Variants in SGMS1 observed in about 807,000 individuals in gnomAD.
The protein encoded by SGMS1 is phosphatidylcholine:ceramide cholinephosphotransferase 1.
SGMS1 carries 13 observed loss-of-function variants against 46.2 expected under a neutral mutation model. The ratio of observed to expected loss-of-function variants is 0.28; its 90% CI spans 0.18 to 0.45. The LOEUF is 0.45. Among genes scored for constraint, SGMS1 ranks in the 20% least tolerant of loss-of-function variants. The probability of loss-of-function intolerance (pLI) is 1.00; values close to 1 mark genes in which losing one functional copy is unlikely to be tolerated. For missense variants in SGMS1, 324 were observed against 519.9 expected, an observed-to-expected ratio of 0.62 and a Z score of 3.66; for synonymous variants, 203 against 187.8, an observed-to-expected ratio of 1.08 and a Z score of -0.66.
intron 6 of SGMS1, among the ~76,000 whole-genome samples, chr10:50,413,463 C>A (rs1413897322): frequency 6.6e-6 from 1 of 152,218 alleles, no homozygotes; most frequent in African/African-American, 2.4e-5. Flanking sequence ...CAAAGATTGG[C>A]ATTCAAATGT....
At chr10:50,457,039 T>C (rs1457466442) in intron 5 of SGMS1, among the ~76,000 whole-genome samples, 2 of 152,204 alleles carry the variant, frequency 1.3e-5, no homozygotes, top group South Asian at 2.1e-4. Context: ...GTGGCAATTA[T>C]GTTCTTGTTT....
chr10:50,607,145 ATTT>A (rs1298270590), intron 1 of SGMS1, among the ~76,000 whole-genome samples: 2 of 136,374 alleles, frequency 1.5e-5, no homozygotes, highest in Non-Finnish European at 3.2e-5. Context: ...CACCCAGGTA[ATTT>A]TTTTTTTTTT....
At chr10:50,440,553 TAA>T (rs1849531833) in intron 5 of SGMS1, among the ~76,000 whole-genome samples, 1 of 152,056 alleles carries the variant, frequency 6.6e-6, no homozygotes, top group Non-Finnish European at 1.5e-5. Context: ...TCACTAAAGG[TAA>T]AAAATAGCAC....
intron 2 of SGMS1, among the ~76,000 whole-genome samples, chr10:50,577,618 T>A (rs1419036721): frequency 1.3e-5 from 2 of 152,214 alleles, no homozygotes; most frequent in Non-Finnish European, 1.5e-5. Context: ...TTTGTGGCTT[T>A]AATAACAAGA....
In SGMS1 at chr10:50,556,012, T is replaced by G. The variant is rs557815935; in HGVS notation, c.-589+34141A>C. Among the ~76,000 whole-genome samples the G allele has an allele frequency of 3.9e-5, 6 of 152,272 alleles. No individual in the cohort carries two copies. The South Asian group carries it at 1.2e-3, about 32-fold the overall frequency. On this transcript the variant is annotated intron_variant, in intron 2 of 10. Transcript: ENST00000361781. ...ATTCCAGAATGCTCTCATTTTCCCC[T>G]CTCCTCCATTCCCAAAGGAGATGCA... is the stretch of plus-strand genomic sequence containing the variant.
chr10:50,404,598 T>A (rs1179886037), intron 6 of SGMS1, among the ~76,000 whole-genome samples: 2 of 152,116 alleles, frequency 1.3e-5, no homozygotes, highest in African/African-American at 4.8e-5. Flanking sequence ...CGAGACCCTG[T>A]CTCGAAAAAA....
chr10:50,449,024 T>C (rs918810964), intron 5 of SGMS1, among the ~76,000 whole-genome samples: 5 of 152,244 alleles, frequency 3.3e-5, no homozygotes, highest in South Asian at 2.1e-4. Flanking sequence ...TACATACCTA[T>C]TGAAATTTTT....
At chr10:50,596,874 C>A (rs1233831351) in intron 1 of SGMS1, among the ~76,000 whole-genome samples, 1 of 152,168 alleles carries the variant, frequency 6.6e-6, no homozygotes, top group Non-Finnish European at 1.5e-5. Flanking sequence ...CATACACTGA[C>A]TTGCTTAAAG....
chr10:50,399,729 T>C (rs1047984723), intron 6 of SGMS1, among the ~76,000 whole-genome samples: 36 of 152,056 alleles, frequency 2.4e-4, no homozygotes, highest in African/African-American at 8.5e-4. Flanking sequence ...GAACTTCCCA[T>C]CAGAGTTCAA....
chr10:50,624,551 C>T (rs547179758), upstream of SGMS1: 1 of 978,910 alleles, frequency 1.0e-6, no homozygotes, highest in African/African-American at 1.8e-5. Flanking sequence ...GAGCTCTAAC[C>T]GCGCGAGGTG....
chr10:50,386,103 C>T (rs1254928874), intron 6 of SGMS1, among the ~76,000 whole-genome samples: 1 of 152,048 alleles, frequency 6.6e-6, no homozygotes, highest in African/African-American at 2.4e-5. Flanking sequence ...AATAATCCCG[C>T]CTTTTAAAAT....
chr10:50,510,230 CT>C (rs1288721889), intron 3 of SGMS1, among the ~76,000 whole-genome samples: 4 of 152,126 alleles, frequency 2.6e-5, no homozygotes, highest in Non-Finnish European at 5.9e-5. Flanking sequence ...GTTGTTCTTT[CT>C]TATTGATGAA....
intron 6 of SGMS1, chr10:50,418,465 C>G (rs943933595): frequency 2.1e-4 from 32 of 152,262 alleles, no homozygotes; most frequent in African/African-American, 7.7e-4. Context: ...CCCTCTACCA[C>G]GGCAAAAAAG....
upstream of SGMS1, chr10:50,624,504 G>C (rs1019914751): frequency 4.0e-6 from 3 of 753,832 alleles, no homozygotes; most frequent in African/African-American, 1.9e-5. Flanking sequence ...GAAAAAAAAA[G>C]CCTCTGGCGA....
chr10:50,336,177 G>A (rs569842521), intron 7 of SGMS1: 21 of 152,298 alleles, frequency 1.4e-4, no homozygotes, highest in Non-Finnish European at 2.2e-4. Flanking sequence ...GCCTGCAAGA[G>A]GCTAGGAGAT....
intron 6 of SGMS1, among the ~76,000 whole-genome samples, chr10:50,386,091 G>A (rs774865436): frequency 5.3e-5 from 8 of 152,140 alleles, no homozygotes; most frequent in Non-Finnish European, 1.2e-4. Context: ...GTTATGTTAT[G>A]AAATAATCCC....
At chr10:50,618,584 C>T (rs974059890) in intron 1 of SGMS1, among the ~76,000 whole-genome samples, 5 of 152,122 alleles carry the variant, frequency 3.3e-5, no homozygotes, top group Non-Finnish European at 7.4e-5. Context: ...AATGAGATCC[C>T]ACTTTACAGC....
At chr10:50,518,017 G>T (rs2133784132) in intron 3 of SGMS1, among the ~76,000 whole-genome samples, 1 of 152,278 alleles carries the variant, frequency 6.6e-6, no homozygotes, top group South Asian at 2.1e-4. Flanking sequence ...CTCATCAGGG[G>T]AAACGTAAGG....
chr10:50,310,789 G>T (rs1444901060), intron 9 of SGMS1, among the ~76,000 whole-genome samples: 2 of 152,158 alleles, frequency 1.3e-5, no homozygotes, highest in Non-Finnish European at 2.9e-5. Flanking sequence ...ATCTGCCTCA[G>T]CCCTGAGCCC....
Sources: allele counts gnomAD v4.1 joint callset (sites outside exome capture counted in the v4.1 genomes callset), GRCh38; gene constraint gnomAD v4.1.1; transcripts MANE v1.5; gene names NCBI Gene and HGNC (gene_info 2026-07-23, HGNC 2026-07-21).